The following MYO10 variants were observed in gnomAD, a reference collection of about 807,000 sequenced individuals.
MYO10 encodes the protein myosin X, also known as unconventional myosin-X.
In MYO10, 133 loss-of-function variants were observed where a neutral mutation model predicts 257.3. The observed-to-expected ratio is 0.52, with a 90% CI of 0.45 to 0.60. MYO10 has a LOEUF of 0.60. Among genes scored for constraint, MYO10 ranks in the 20% least tolerant of loss-of-function variants. The pLI, the probability that MYO10 is intolerant of heterozygous loss-of-function variation, is 0.00. For synonymous variants in MYO10, 1,104 were observed against 1,028.6 expected, an observed-to-expected ratio of 1.07 and a Z score of -1.40; for missense variants, 2,399 against 2,635.7, an observed-to-expected ratio of 0.91 and a Z score of 1.97.
chr5:16,757,798 G>C (rs533616715), intron 18 of MYO10, among the ~76,000 whole-genome samples: 28 of 152,074 alleles, frequency 1.8e-4, no homozygotes, highest in Non-Finnish European at 3.5e-4. Context: ...CTGAGTAGCT[G>C]GGACTACAGG....
At chr5:16,681,588 T>C in intron 31 of MYO10, 85 bp from the exon 32 acceptor site, 2 of 1,341,030 alleles carry the variant, frequency 1.5e-6, no homozygotes, top group Non-Finnish European at 2.0e-6. Flanking sequence ...TGCTAACACA[T>C]GGGTGGGGTT....
rs375207975 is a variant in MYO10 at position 16,934,147 on chromosome 5, G to C, written c.21+1641C>G. Among the ~76,000 whole-genome samples, 35 of 152,340 alleles carry C rather than the reference G, an allele frequency of 2.3e-4. No individual in the cohort carries two copies. In the South Asian group the frequency reaches 7.0e-3, roughly 31 times the overall value. On this transcript the variant is annotated intron_variant, in intron 1 of 40. Transcript: ENST00000513610. ...AGGTATCCAGTGCAAGATGAAAAGA[G>C]TACTTTGAAAAGTCAAAGTCTCACC...
chr5:16,694,454 A>G lies in MYO10; in HGVS notation c.3717T>C (p.Phe1239=), dbSNP rs1192680976. The stretch of plus-strand genomic sequence containing the variant: ...ACATCAGCTTGGACTGGCGGAGGAC[A>G]AACCAGCGCTTCTTCCAATTTCTCC... ...LSRRNWKKRW[F]VLRQSKLMYF... Residue 1239 remains phenylalanine, a synonymous_variant, in exon 27 of 41, where the codon TTT becomes TTC. Coordinates refer to ENST00000513610, the MANE Select transcript of MYO10 (RefSeq NM_012334.3). The G allele has an allele frequency of 1.9e-6, 3 of 1,614,022 alleles. No individual in the cohort carries two copies. Among genetic ancestry groups the G allele is most frequent in the Non-Finnish European group, 2.5e-6 (3 of 1,179,888 alleles).
chr5:16,859,775 T>C (rs1457502541), intron 2 of MYO10, among the ~76,000 whole-genome samples: 1 of 151,940 alleles, frequency 6.6e-6, no homozygotes, highest in Non-Finnish European at 1.5e-5. Context: ...TTTGGAGAAA[T>C]ACAAACATTC....
At chr5:16,880,812 T>G (rs1472760068) in intron 1 of MYO10, among the ~76,000 whole-genome samples, 3 of 152,198 alleles carry the variant, frequency 2.0e-5, no homozygotes, top group African/African-American at 7.2e-5. Flanking sequence ...AAAAGAACAC[T>G]GACTTCAGGC....
chr5:16,698,623 G>GTTTTTTTTTTTTTTT (rs5866202), intron 26 of MYO10, among the ~76,000 whole-genome samples: 1 of 113,860 alleles, frequency 8.8e-6, no homozygotes. Flanking sequence ...AGAACATGCA[G>GTTTTTTTTTTTTTTT]TTTTTTTTTT....
rs1043207149 is a variant in MYO10 at position 16,685,778 on chromosome 5, T to C, written c.3950A>G (p.Gln1317Arg). The change falls in exon 29 of 41, where the codon CAG becomes CGG. Residue 1317 changes from glutamine to arginine, a missense_variant. Gln to Arg is a conservative substitution (Grantham distance 43, BLOSUM62 1). Coordinates refer to ENST00000513610, the MANE Select transcript of MYO10 (RefSeq NM_012334.3). ...QVHASTDQEI[Q>R]EMHDEQANPQ... The stretch of plus-strand genomic sequence containing the variant: ...GTTTGCCTGCTCATCATGCATCTCC[T>C]GGATCTCCTGGTCCGTGGACGCGTG... 1 of 1,497,714 alleles carries C rather than the reference T, an allele frequency of 6.7e-7. No individual in the cohort carries two copies. 92.8% of individuals were successfully genotyped at this position (1,497,714 alleles called of 1,614,324 possible).
intron 19 of MYO10, among the ~76,000 whole-genome samples, chr5:16,747,141 C>G (rs2126636557): frequency 6.6e-6 from 1 of 152,160 alleles, no homozygotes; most frequent in South Asian, 2.1e-4. Context: ...GGCCCTGAAC[C>G]TGAGGTGGGG....
chr5:16,779,222 G>A (rs2126667471), intron 9 of MYO10, among the ~76,000 whole-genome samples: 1 of 152,318 alleles, frequency 6.6e-6, no homozygotes, highest in South Asian at 2.1e-4. Context: ...TGGTTCCAGA[G>A]TGAAGCCCAT....
intron 4 of MYO10, among the ~76,000 whole-genome samples, chr5:16,792,128 CACACAGAGAG>C (rs1396922975): frequency 8.6e-4 from 119 of 137,790 alleles, no homozygotes; most frequent in South Asian, 4.7e-3. Flanking sequence ...CACACACACA[CACACAGAGAG>C]AGAGAGAGAG....
chr5:16,773,756 T>A (rs1298375231), intron 9 of MYO10, among the ~76,000 whole-genome samples: 2 of 152,014 alleles, frequency 1.3e-5, no homozygotes, highest in Non-Finnish European at 2.9e-5. Flanking sequence ...AATTTTTGGT[T>A]AAGTTCTAAA....
chr5:16,736,305 G>C (rs990407751), intron 19 of MYO10, among the ~76,000 whole-genome samples: 6 of 152,180 alleles, frequency 3.9e-5, no homozygotes, highest in Admixed American at 2.0e-4. Flanking sequence ...AAGGACGTTG[G>C]CAGAGCCCCA....
chr5:16,795,468 G>A (rs556185815), intron 3 of MYO10, among the ~76,000 whole-genome samples: 1 of 152,074 alleles, frequency 6.6e-6, no homozygotes, highest in South Asian at 2.1e-4. Flanking sequence ...GCCAGGCATG[G>A]TGATGCCTGC....
rs377708905 is a variant in MYO10 at position 16,666,816 on chromosome 5, G to T, written c.6076-23C>A. The T allele has an allele frequency of 8.3e-6, 13 of 1,561,038 alleles. No individual in the cohort carries two copies. The African/African-American group carries it at 1.8e-4, about 21-fold the overall frequency. ...CACCTGCCCAGGGGGAAGCAGAACCGACACAGCGTCACAAGTCTCCCCCAG... is the reference window on the plus strand; with the variant it reads ...CACCTGCCCAGGGGGAAGCAGAACCTACACAGCGTCACAAGTCTCCCCCAG... On this transcript the variant is annotated intron_variant, in intron 40 of 40. Coordinates refer to ENST00000513610, the MANE Select transcript of MYO10 (RefSeq NM_012334.3).
intron 40 of MYO10, 99 bp downstream of exon 40, chr5:16,668,174 TATTC>T: frequency 7.8e-7 from 1 of 1,280,872 alleles, no homozygotes; most frequent in Admixed American, 2.5e-5. Context: ...TGAAGAAAAA[TATTC>T]AAAGAAAATG....
Position 16,666,025 on chromosome 5 carries a change from C to T in MYO10, c.*667G>A, listed in dbSNP as rs571392108. Reference sequence around the variant, plus strand: ...TATACAGACTGTGTACACCATTACACATCCTTTTTCCCTTTGCTTTTTAAT... The same window carrying T: ...TATACAGACTGTGTACACCATTACATATCCTTTTTCCCTTTGCTTTTTAAT... On this transcript the variant is annotated 3_prime_UTR_variant, in exon 41 of 41. Transcript: ENST00000513610. The T allele has an allele frequency of 6.6e-6, 1 of 152,668 alleles. No individual in the cohort carries two copies. Among genetic ancestry groups the T allele is most frequent in the African/African-American group, 2.4e-5 (1 of 41,444 alleles). The allele number at this position is 152,668 out of a possible 1,614,324, so 9.5% of individuals were successfully genotyped here. A position where few individuals can be genotyped will look rare whatever the true frequency, so the allele number is the denominator to read the frequency against.
At chr5:16,918,632 A>AGC (rs201064216) in intron 1 of MYO10, among the ~76,000 whole-genome samples, 10,432 of 150,360 alleles carry the variant, frequency 0.069, 425 homozygotes, top group African/African-American at 0.11. Flanking sequence ...CCTCCCGAAT[A>AGC]TGGGATCACA....
chr5:16,778,169 A>T (rs1246298529), intron 9 of MYO10, among the ~76,000 whole-genome samples: 2 of 151,944 alleles, frequency 1.3e-5, no homozygotes, highest in Non-Finnish European at 2.9e-5. Context: ...TGTTCTAATA[A>T]GGGCTCTGGT....
intron 2 of MYO10, among the ~76,000 whole-genome samples, chr5:16,846,861 T>G (rs1452690510): frequency 6.6e-6 from 1 of 152,248 alleles, no homozygotes; most frequent in African/African-American, 2.4e-5. Context: ...CTCACGCCTG[T>G]AATCCCAGCA....
Sources: gnomAD v4.1 joint callset for allele counts (sites outside exome capture counted in the v4.1 genomes callset) on GRCh38, gnomAD v4.1.1 for gene constraint, MANE v1.5 for transcripts, NCBI Gene and HGNC (gene_info 2026-07-23, HGNC 2026-07-21) for gene names.